CACNA1S: variants seen among roughly 807,000 people sequenced by gnomAD.
The protein encoded by CACNA1S is voltage-dependent L-type calcium channel subunit alpha-1S.
A neutral mutation model predicts 207.4 loss-of-function variants in CACNA1S; 126 were observed. That is an observed-to-expected ratio of 0.61 (90% CI 0.53 to 0.70). The LOEUF (loss-of-function observed/expected upper bound fraction) is 0.70. Among genes scored for constraint, CACNA1S ranks in the 30% least tolerant of loss-of-function variants. The pLI is 0.00. For missense variants in CACNA1S, 2,349 were observed against 2,422.8 expected, an observed-to-expected ratio of 0.97 and a Z score of 0.64; for synonymous variants, 960 against 932.7, an observed-to-expected ratio of 1.03 and a Z score of -0.53.
intron 10 of CACNA1S, 46 bp downstream of exon 10, chr1:201,083,116 A>G: frequency 6.2e-7 from 1 of 1,609,804 alleles, no homozygotes; most frequent in Non-Finnish European, 8.5e-7. Context: ...ACATCAAGCC[A>G]CAGCCACATG....
intron 26 of CACNA1S, 63 bp downstream of exon 26, chr1:201,060,595 C>A: frequency 5.7e-6 from 9 of 1,583,806 alleles, no homozygotes; most frequent in Non-Finnish European, 6.9e-6. Flanking sequence ...CCCTACTCAT[C>A]CTGCCCTACC....
At chr1:201,112,151 G>T in intron 1 of CACNA1S, 37 bp downstream of exon 1, 1 of 1,579,918 alleles carries the variant, frequency 6.3e-7, no homozygotes, top group South Asian at 1.1e-5. Flanking sequence ...CCCTCATGAC[G>T]CACACCCCCC....
At chr1:201,091,547 C>A in intron 5 of CACNA1S, 93 bp downstream of exon 5, 1 of 1,430,980 alleles carries the variant, frequency 7.0e-7, no homozygotes, top group Admixed American at 1.7e-5. Context: ...GCGGCAATGG[C>A]TGAGCTCCGG....
chr1:201,089,237 C>A (rs370776656), intron 6 of CACNA1S, 21 bp downstream of exon 6: 3 of 1,610,090 alleles, frequency 1.9e-6, no homozygotes, highest in Non-Finnish European at 2.6e-6. Flanking sequence ...GATGGTTCTG[C>A]AGGCGCGGGC....
rs1440652791 is a variant in CACNA1S at position 201,083,189 on chromosome 1, G to C, written c.1366C>G (p.Gln456Glu). 6.2e-7 allele frequency: 1 copy of C among 1,614,220 alleles called. No individual in the cohort carries two copies. Among genetic ancestry groups the C allele is most frequent in the Admixed American group, 1.7e-5 (1 of 60,032 alleles). ...TLSIASEHHN[Q>E]PLWLTRLQDI... ...TGCAAACGGGTCAGCCAGAGAGGCTGGTTGTGGTGCTCTGAGGCGATAGAC... is the reference window on the plus strand; with the variant it reads ...TGCAAACGGGTCAGCCAGAGAGGCTCGTTGTGGTGCTCTGAGGCGATAGAC... Residue 456 changes from glutamine to glutamate, a missense_variant, in exon 10 of 44, where the codon CAG (glutamine) becomes GAG (glutamate). Physicochemically the swap from Gln to Glu is conservative, Grantham distance 29. Transcript: ENST00000362061.
intron 18 of CACNA1S, 31 bp from the exon 19 acceptor site, chr1:201,069,227 G>C: frequency 1.9e-6 from 3 of 1,602,050 alleles, no homozygotes; most frequent in Non-Finnish European, 2.6e-6. Context: ...GGAGCAGCCA[G>C]TGAGAGGAGG....
Position 201,043,663 on chromosome 1 carries a change from G to A in CACNA1S, c.4798-132C>T, listed in dbSNP as rs1045210061. On this transcript the variant is annotated intron_variant, in intron 39 of 43. Coordinates refer to ENST00000362061, the MANE Select transcript of CACNA1S (RefSeq NM_000069.3). ...AAATCTTATAAGGCCAAAGGAGGAT[G>A]GACTGAGTGGTGAGATCAAAAGAAG... is the stretch of plus-strand genomic sequence containing the variant. The A allele has an allele frequency of 3.0e-5, 24 of 802,726 alleles. No individual in the cohort carries two copies. In the African/African-American group the frequency reaches 3.9e-4, roughly 13 times the overall value. 49.7% of individuals were successfully genotyped at this position (802,726 alleles called of 1,614,324 possible). A position where few individuals can be genotyped will look rare whatever the true frequency, so the allele number is the denominator to read the frequency against.
intron 2 of CACNA1S, among the ~76,000 whole-genome samples, chr1:201,101,400 G>A (rs556486432): frequency 3.7e-4 from 56 of 152,222 alleles, no homozygotes; most frequent in African/African-American, 1.3e-3. Flanking sequence ...TCACTTCCAG[G>A]GCCTTCTGAG....
At chr1:201,101,541 G>C (rs1199460926) in intron 2 of CACNA1S, among the ~76,000 whole-genome samples, 1 of 152,274 alleles carries the variant, frequency 6.6e-6, no homozygotes, top group Admixed American at 6.5e-5. Context: ...CCCGGCTGGG[G>C]CAGGGCCGGG....
At chr1:201,077,641 C>T (rs1015696676) in intron 11 of CACNA1S, among the ~76,000 whole-genome samples, 10 of 152,220 alleles carry the variant, frequency 6.6e-5, no homozygotes, top group African/African-American at 2.4e-4. Context: ...CCACCACCCC[C>T]ACTCCCTGCC....
At chr1:201,062,699 C>T (rs1661105394) in intron 22 of CACNA1S, among the ~76,000 whole-genome samples, 185 bp from the exon 23 acceptor site, 1 of 152,256 alleles carries the variant, frequency 6.6e-6, no homozygotes, top group Non-Finnish European at 1.5e-5. Flanking sequence ...CCAGAGCAGC[C>T]TCCTTTCTTC....
chr1:201,080,635 A>G (rs142871806), intron 10 of CACNA1S, among the ~76,000 whole-genome samples: 1 of 151,882 alleles, frequency 6.6e-6, no homozygotes, highest in African/African-American at 2.4e-5. Flanking sequence ...TCTCCTTTGT[A>G]CTGTTCTATC....
intron 34 of CACNA1S, 105 bp downstream of exon 34, chr1:201,050,284 G>T: frequency 8.2e-7 from 1 of 1,223,568 alleles, no homozygotes; most frequent in Non-Finnish European, 1.2e-6. Flanking sequence ...GAAGGGGGAA[G>T]GAGAAGCCCA....
chr1:201,083,290 C>T lies in CACNA1S; in HGVS notation c.1265G>A (p.Arg422His), dbSNP rs768968718. The T allele has an allele frequency of 2.4e-5, 38 of 1,614,072 alleles. No homozygotes were observed. Among genetic ancestry groups the T allele is most frequent in the South Asian group, 1.2e-4 (11 of 91,082 alleles). ...RHWRQWNRIF[R>H]WKCHDIVKSK... ...CTTCACGATGTCATGGCACTTCCAGCGAAAGATGCGGTTCCACTGCCTCCA... is the reference window on the plus strand; with the variant it reads ...CTTCACGATGTCATGGCACTTCCAGTGAAAGATGCGGTTCCACTGCCTCCA... Residue 422 changes from arginine to histidine, a missense_variant, in exon 10 of 44, where the codon CGC becomes CAC. Physicochemically the swap from Arg to His is conservative, Grantham distance 29 (BLOSUM62 0). Coordinates refer to ENST00000362061, the MANE Select transcript of CACNA1S (RefSeq NM_000069.3).
chr1:201,097,761 G>T (rs1662491576), intron 2 of CACNA1S, among the ~76,000 whole-genome samples: 1 of 152,170 alleles, frequency 6.6e-6, no homozygotes, highest in Non-Finnish European at 1.5e-5. Context: ...AGCCCTCTCG[G>T]AGTTGCTGCT....
chr1:201,103,446 G>C (rs930944094), intron 2 of CACNA1S, among the ~76,000 whole-genome samples: 2 of 143,622 alleles, frequency 1.4e-5, no homozygotes, highest in African/African-American at 2.6e-5. Context: ...TTCCTCCAAG[G>C]CTTCTGTTGT....
intron 22 of CACNA1S, among the ~76,000 whole-genome samples, chr1:201,063,639 T>C (rs1044798579): frequency 3.9e-5 from 6 of 152,236 alleles, no homozygotes; most frequent in African/African-American, 1.4e-4. Flanking sequence ...CCACGGATTC[T>C]GGTGCAGTTC....
chr1:201,065,675 T>C (rs1416159025), intron 22 of CACNA1S, among the ~76,000 whole-genome samples, 163 bp downstream of exon 22: 3 of 152,216 alleles, frequency 2.0e-5, no homozygotes, highest in Non-Finnish European at 2.9e-5. Flanking sequence ...CAAACTTATG[T>C]GTTTGGTGTG....
chr1:201,048,350 C>G (rs1660541378), intron 36 of CACNA1S, among the ~76,000 whole-genome samples: 1 of 152,220 alleles, frequency 6.6e-6, no homozygotes, highest in South Asian at 2.1e-4. Context: ...CCCCCAGACA[C>G]AGCTGAGGAG....
Sources: gnomAD v4.1 joint callset for allele counts (sites outside exome capture counted in the v4.1 genomes callset) on GRCh38, gnomAD v4.1.1 for gene constraint, MANE v1.5 for transcripts, NCBI Gene and HGNC (gene_info 2026-07-23, HGNC 2026-07-21) for gene names.